The following SEC14L1 variants were observed in gnomAD, a reference collection of about 807,000 sequenced individuals.
SEC14L1 encodes SEC14-like protein 1.
SEC14L1 carries 48 observed loss-of-function variants against 85.3 expected under a neutral mutation model. The ratio of observed to expected loss-of-function variants is 0.56; its 90% confidence interval spans 0.45 to 0.72. The LOEUF is 0.72. Among genes scored for constraint, SEC14L1 ranks in the 30% least tolerant of loss-of-function variants. The pLI is 0.00. For missense variants in SEC14L1, 682 were observed against 921.4 expected, an observed-to-expected ratio of 0.74 and a Z score of 3.36; for synonymous variants, 391 against 355.5, an observed-to-expected ratio of 1.10 and a Z score of -1.12.
intron 15 of SEC14L1, among the ~76,000 whole-genome samples, chr17:77,212,452 C>T (rs549065492): frequency 9.2e-5 from 14 of 152,266 alleles, no homozygotes; most frequent in Non-Finnish European, 1.5e-4. Flanking sequence ...GAAGGGAAGG[C>T]ATCGCACGCA....
chr17:77,153,342 C>T (rs1006963014), intron 3 of SEC14L1, among the ~76,000 whole-genome samples: 3 of 152,234 alleles, frequency 2.0e-5, no homozygotes, highest in Non-Finnish European at 4.4e-5. Flanking sequence ...GCTGGGATTA[C>T]AGGCGTGAAC....
At chr17:77,166,180 A>G (rs1974270596) in intron 3 of SEC14L1, among the ~76,000 whole-genome samples, 3 of 152,124 alleles carry the variant, frequency 2.0e-5, no homozygotes, top group South Asian at 2.1e-4. Context: ...GGCTCAAGTG[A>G]TCCTCCCACC....
At position 77,216,276 on chromosome 17, in the gene SEC14L1, G is replaced by T. The variant is rs531673311; in HGVS notation, c.*2253G>T. On this transcript the variant is annotated 3_prime_UTR_variant, in exon 17 of 17. Transcript: ENST00000436233. ...TTCGTAGGTAGGGTTCGTAGGTAGG[G>T]TTAGTAGGTAGGGTTCGTAGGTAGG... is the stretch of plus-strand genomic sequence containing the variant. 2 of 1,262,070 alleles carry T rather than the reference G, an allele frequency of 1.6e-6. No homozygotes were observed. Among genetic ancestry groups the T allele is most frequent in the African/African-American group, 3.2e-5 (2 of 63,100 alleles). The allele number at this position is 1,262,070 out of a possible 1,614,324, so 78.2% of individuals were successfully genotyped here. A position where few individuals can be genotyped will look rare whatever the true frequency, so the allele number is the denominator to read the frequency against.
rs575185971 is a variant in SEC14L1 at position 77,119,155 on chromosome 17, C to T, written c.-135-23491C>T. Among the ~76,000 whole-genome samples the T allele has an allele frequency of 2.0e-5, 3 of 152,010 alleles. No homozygotes were observed. The South Asian group carries it at 6.2e-4, about 32-fold the overall frequency. ...TGAAACCCTGTCTCTACTAAAAATA[C>T]AAAAATTAGCCGAGTGTGGGCATGC... On this transcript the variant is annotated intron_variant, in intron 3 of 19. Coordinates refer to the SEC14L1 transcript ENST00000392476.
chr17:77,180,840 C>T (rs568147523), intron 3 of SEC14L1, among the ~76,000 whole-genome samples: 11 of 152,196 alleles, frequency 7.2e-5, no homozygotes, highest in African/African-American at 2.6e-4. Context: ...TTATAAATAC[C>T]TTATTAGGTA....
At chr17:77,093,419 A>G (rs1314439791) in intron 3 of SEC14L1, 2 of 152,200 alleles carry the variant, frequency 1.3e-5, no homozygotes, top group Non-Finnish European at 2.9e-5. Flanking sequence ...GTGTATGGCT[A>G]TAAATAGATA....
intron 13 of SEC14L1, among the ~76,000 whole-genome samples, chr17:77,208,273 T>C (rs1236366858): frequency 6.6e-6 from 1 of 152,196 alleles, no homozygotes; most frequent in Non-Finnish European, 1.5e-5. Flanking sequence ...GTAAAGGTTA[T>C]AGGACCAGAA....
chr17:77,194,092 A>T (rs1348563484), intron 6 of SEC14L1, among the ~76,000 whole-genome samples: 2 of 152,256 alleles, frequency 1.3e-5, no homozygotes, highest in Non-Finnish European at 2.9e-5. Context: ...ATTGAGTACA[A>T]GTACCCTAAA....
chr17:77,104,577 G>A (rs1410588106), intron 3 of SEC14L1, among the ~76,000 whole-genome samples: 1 of 149,954 alleles, frequency 6.7e-6, no homozygotes, highest in Non-Finnish European at 1.5e-5. Context: ...GGATCACGAG[G>A]TCAGGAGATC....
At position 77,216,890 on chromosome 17, in the gene SEC14L1, G is replaced by A. The variant is rs148198127; in HGVS notation, c.*2867G>A. On this transcript the variant is annotated 3_prime_UTR_variant, in exon 17 of 17. Coordinates refer to ENST00000436233, the MANE Select transcript of SEC14L1 (RefSeq NM_001143998.2). ...TAGTACCTTGCCACTCTTTTAAAAC[G>A]CTGCTGTCATTTCCCATTTCTTAGT... is the stretch of plus-strand genomic sequence containing the variant. 74 of 280,326 alleles carry A rather than the reference G, an allele frequency of 2.6e-4. No homozygotes were observed. The East Asian group carries it at 4.8e-3, about 18-fold the overall frequency. The allele number at this position is 280,326 out of a possible 1,614,324, so 17.4% of individuals were successfully genotyped here. A position where few individuals can be genotyped will look rare whatever the true frequency, so the allele number is the denominator to read the frequency against.
chr17:77,192,438 T>C (rs1456359441), intron 5 of SEC14L1, among the ~76,000 whole-genome samples: 1 of 152,196 alleles, frequency 6.6e-6, no homozygotes, highest in South Asian at 2.1e-4. Flanking sequence ...ATAGTCTTTA[T>C]GGTGACTTGC....
intron 3 of SEC14L1, among the ~76,000 whole-genome samples, chr17:77,183,780 C>G (rs1447922992): frequency 6.6e-6 from 1 of 152,170 alleles, no homozygotes; most frequent in African/African-American, 2.4e-5. Context: ...TCTTTAGATG[C>G]CTTTATTCTA....
At chr17:77,174,901 C>G (rs530968103) in intron 3 of SEC14L1, among the ~76,000 whole-genome samples, 4 of 152,226 alleles carry the variant, frequency 2.6e-5, no homozygotes, top group African/African-American at 9.6e-5. Flanking sequence ...TAACGCAGTT[C>G]CTGTCGGTGT....
chr17:77,199,305 G>GT (rs1366800443), intron 8 of SEC14L1: 1 of 156,044 alleles, frequency 6.4e-6, no homozygotes, highest in Non-Finnish European at 1.4e-5. Flanking sequence ...CACCCCGCCA[G>GT]TGAAGACCAT....
chr17:77,099,996 A>G (rs1598216643), intron 3 of SEC14L1, among the ~76,000 whole-genome samples: 2 of 152,234 alleles, frequency 1.3e-5, no homozygotes, highest in South Asian at 4.1e-4. Context: ...TACATGCATT[A>G]GTTCAAAAAA....
chr17:77,193,362 A>T (rs758630300), intron 5 of SEC14L1, 59 bp from the exon 6 acceptor site: 29 of 1,500,096 alleles, frequency 1.9e-5, no homozygotes. Flanking sequence ...ACTGAGGAGC[A>T]GGCAGATGAT....
intron 3 of SEC14L1, among the ~76,000 whole-genome samples, chr17:77,109,022 A>G (rs139078973): frequency 0.019 from 2,963 of 152,192 alleles, 102 homozygotes; most frequent in African/African-American, 0.069. Context: ...GGGTTTCACC[A>G]TGTTGGTCAG....
chr17:77,089,888 G>A (rs55784462), intron 2 of SEC14L1: 3,505 of 167,124 alleles, frequency 0.021, 76 homozygotes, highest in Admixed American at 0.053. Context: ...ATGGTGGCAT[G>A]TGCCTGTAAT....
At chr17:77,184,879 C>T (rs1313175049) in intron 3 of SEC14L1, among the ~76,000 whole-genome samples, 4 of 152,202 alleles carry the variant, frequency 2.6e-5, no homozygotes, top group African/African-American at 7.2e-5. Context: ...TAGAAACTCG[C>T]GTGGCTTGTA....
Sources: allele counts gnomAD v4.1 joint callset (sites outside exome capture counted in the v4.1 genomes callset), GRCh38; gene constraint gnomAD v4.1.1; transcripts MANE v1.5; gene names NCBI Gene and HGNC (gene_info 2026-07-23, HGNC 2026-07-21).